Variants in PPA2 observed in about 807,000 individuals in gnomAD.
PPA2 encodes inorganic pyrophosphatase 2, mitochondrial.
In PPA2, 48 loss-of-function variants were observed where a neutral mutation model predicts 49.5. The ratio of observed to expected loss-of-function variants is 0.97; its 90% CI spans 0.77 to 1.23. PPA2 has a LOEUF of 1.23. PPA2 is among the 50% of genes most tolerant of loss of function. The pLI is 0.00. For synonymous variants in PPA2, 131 were observed against 139.9 expected (o/e 0.94, Z 0.45); for missense variants, 429 against 410.1 (o/e 1.05, Z -0.40).
At chr4:105,433,984 T>G (rs3893127) in intron 6 of PPA2, among the ~76,000 whole-genome samples, 2 of 152,204 alleles carry the variant, frequency 1.3e-5, no homozygotes, top group South Asian at 2.1e-4. Flanking sequence ...GGTAGTATGG[T>G]ATTCTATTTA....
intron 7 of PPA2, among the ~76,000 whole-genome samples, chr4:105,412,698 A>C (rs1035077905): frequency 6.6e-6 from 1 of 152,226 alleles, no homozygotes; most frequent in Non-Finnish European, 1.5e-5. Flanking sequence ...TTCTCAAAAA[A>C]AGACATGTAT....
rs778525588 is a variant in PPA2, at chr4:105,473,976, C to G, written c.75G>C (p.Gly25=). 1 of 1,610,724 alleles carries G rather than the reference C, an allele frequency of 6.2e-7. No individual in the cohort carries two copies. The highest frequency in any genetic ancestry group is 1.3e-5 in the African/African-American group (1 of 74,824). Reference sequence around the variant, plus strand: ...GGGCCATAGCACGGCGCGACCCGGTCCCTGCACTGGTCCCCAACCGCAGGC... The same window carrying G: ...GGGCCATAGCACGGCGCGACCCGGTGCCTGCACTGGTCCCCAACCGCAGGC... The part of the protein sequence containing the change: ...AACLRLGTSA[G]TGSRRAMALY... The change falls in exon 1 of 12, where the codon GGG becomes GGC. Residue 25 remains glycine, a synonymous_variant. Transcript: ENST00000341695.
chr4:105,457,303 T>G (rs1722912424), intron 1 of PPA2, among the ~76,000 whole-genome samples: 1 of 152,238 alleles, frequency 6.6e-6, no homozygotes, highest in African/African-American at 2.4e-5. Flanking sequence ...CCTTAAAAGT[T>G]GTATACCAAA....
Position 105,370,931 on chromosome 4 carries a change from C to T in PPA2, c.940-58G>A, listed in dbSNP as rs538639997. 8.8e-4 allele frequency: 1,224 copies of T among 1,388,354 alleles called. 29 individuals are homozygous for T. The South Asian group carries it at 0.017, about 19-fold the overall frequency. The allele number at this position is 1,388,354 out of a possible 1,614,324, so 86.0% of individuals were successfully genotyped here. ...ACAATAAATATTTATATGTGGAAAGCGCATCCAGAAGTTTTTTCACGAAAT... is the reference window on the plus strand; with the variant it reads ...ACAATAAATATTTATATGTGGAAAGTGCATCCAGAAGTTTTTTCACGAAAT... On this transcript the variant is annotated intron_variant, in intron 10 of 11. Coordinates refer to ENST00000341695, the MANE Select transcript of PPA2 (RefSeq NM_176869.3).
intron 9 of PPA2, among the ~76,000 whole-genome samples, chr4:105,395,910 C>G (rs956605581): frequency 6.6e-6 from 1 of 152,040 alleles, no homozygotes. Flanking sequence ...AATAAGGAGG[C>G]TTTTACTTTC....
chr4:105,435,480 C>G (rs1560629906), intron 6 of PPA2, among the ~76,000 whole-genome samples: 1 of 152,076 alleles, frequency 6.6e-6, no homozygotes, highest in Non-Finnish European at 1.5e-5. Context: ...CACGCAACAT[C>G]AGAGCACCCG....
intron 1 of PPA2, among the ~76,000 whole-genome samples, chr4:105,469,011 T>C (rs1723419500): frequency 6.6e-6 from 1 of 152,224 alleles, no homozygotes; most frequent in Non-Finnish European, 1.5e-5. Flanking sequence ...CACTGCTTCA[T>C]TAATAACCAT....
At chr4:105,473,581 TG>T (rs1560649711) in intron 1 of PPA2, 1 of 559,284 alleles carries the variant, frequency 1.8e-6, no homozygotes, top group Non-Finnish European at 3.4e-6. Flanking sequence ...CGCCGCGGGG[TG>T]GCCGCTTGCA....
intron 11 of PPA2, 21 bp from the exon 12 acceptor site, chr4:105,369,774 G>A (rs1484542789): frequency 6.4e-7 from 1 of 1,569,480 alleles, no homozygotes; most frequent in African/African-American, 1.4e-5. Flanking sequence ...AATGGGGAAA[G>A]AGGGTATTAG....
At chr4:105,414,786 G>A (rs937502262) in intron 7 of PPA2, among the ~76,000 whole-genome samples, 1 of 152,178 alleles carries the variant, frequency 6.6e-6, no homozygotes, top group African/African-American at 2.4e-5. Flanking sequence ...TTTCAGTTTC[G>A]CCATTTGGGT....
intron 1 of PPA2, among the ~76,000 whole-genome samples, chr4:105,465,864 T>A (rs183541591): frequency 1.1e-3 from 160 of 152,274 alleles, no homozygotes; most frequent in Non-Finnish European, 1.9e-3. Context: ...TTTTACAATT[T>A]CTTCTCCATT....
chr4:105,432,864 A>T (rs1454862576), intron 6 of PPA2, among the ~76,000 whole-genome samples: 2 of 152,236 alleles, frequency 1.3e-5, no homozygotes, highest in Non-Finnish European at 2.9e-5. Context: ...CTCCAGTACA[A>T]GATACCTGGG....
At chr4:105,387,588 G>A (rs1363366481) in intron 9 of PPA2, among the ~76,000 whole-genome samples, 1 of 152,080 alleles carries the variant, frequency 6.6e-6, no homozygotes, top group African/African-American at 2.4e-5. Flanking sequence ...TATAATAAGT[G>A]GTCATTTTGG....
chr4:105,404,559 A>T (rs1722370601), intron 7 of PPA2, among the ~76,000 whole-genome samples: 1 of 152,224 alleles, frequency 6.6e-6, no homozygotes, highest in Non-Finnish European at 1.5e-5. Flanking sequence ...TCCATATTGT[A>T]TCACTTTGGG....
At chr4:105,370,589 C>T (rs1459118039) in intron 11 of PPA2, 8 of 970,302 alleles carry the variant, frequency 8.2e-6, no homozygotes, top group Admixed American at 6.7e-5. Flanking sequence ...AGTACTTCAG[C>T]GAAAAAAAAA....
chr4:105,430,413 C>T (rs954299541), intron 6 of PPA2, among the ~76,000 whole-genome samples: 8 of 152,162 alleles, frequency 5.3e-5, no homozygotes, highest in African/African-American at 1.7e-4. Context: ...ATTAAGTACT[C>T]GGCTCTATAT....
At chr4:105,426,842 A>C (rs1723535196) in intron 6 of PPA2, among the ~76,000 whole-genome samples, 1 of 152,232 alleles carries the variant, frequency 6.6e-6, no homozygotes, top group Non-Finnish European at 1.5e-5. Flanking sequence ...AGCTCTGAAG[A>C]GAGCAGTAGT....
At chr4:105,379,723 T>C (rs1023136956) in intron 10 of PPA2, among the ~76,000 whole-genome samples, 6 of 149,964 alleles carry the variant, frequency 4.0e-5, no homozygotes, top group African/African-American at 1.5e-4. Flanking sequence ...AACCTTTGCC[T>C]CCTGGGTTCA....
At position 105,469,761 on chromosome 4, in the gene PPA2, C is replaced by T. The variant is rs537781002; in HGVS notation, c.157+4133G>A. Among the ~76,000 whole-genome samples, 143 of 152,268 alleles carry T rather than the reference C, an allele frequency of 9.4e-4. 1 individual carries two copies. The highest frequency in any genetic ancestry group is 3.3e-3 in the African/African-American group (139 of 41,560). On this transcript the variant is annotated intron_variant, in intron 1 of 11. Transcript: ENST00000341695. ...ATACTTTTTCTATATTCACACAAAACCCATTGTGTTCCATTATATCAGTTG... is the reference window on the plus strand; with the variant it reads ...ATACTTTTTCTATATTCACACAAAATCCATTGTGTTCCATTATATCAGTTG...
Sources: gnomAD v4.1 joint callset for allele counts (sites outside exome capture counted in the v4.1 genomes callset) on GRCh38, gnomAD v4.1.1 for gene constraint, MANE v1.5 for transcripts, NCBI Gene and HGNC (gene_info 2026-07-23, HGNC 2026-07-21) for gene names.